MTSS1: variants seen among roughly 807,000 people sequenced by gnomAD.
MTSS1 encodes the protein protein MTSS 1.
In MTSS1, 18 loss-of-function variants were observed where a neutral mutation model predicts 79.0. The observed-to-expected ratio is 0.23, with a 90% CI of 0.16 to 0.34. The LOEUF is 0.34. Among genes scored for constraint, MTSS1 ranks in the 10% least tolerant of loss-of-function variants. The pLI is 1.00. For missense variants in MTSS1, 815 were observed against 986.2 expected (o/e 0.83, Z 2.33); for synonymous variants, 341 against 368.6 (o/e 0.93, Z 0.86).
chr8:124,613,846 A>C (rs1398611821), intron 3 of MTSS1, among the ~76,000 whole-genome samples: 2 of 152,088 alleles, frequency 1.3e-5, no homozygotes, highest in African/African-American at 4.8e-5. Flanking sequence ...AACTACATTA[A>C]TTTGTTCTCA....
chr8:124,616,028 T>C (rs1280823616), intron 3 of MTSS1, among the ~76,000 whole-genome samples: 1 of 151,850 alleles, frequency 6.6e-6, no homozygotes, highest in Non-Finnish European at 1.5e-5. Context: ...CCACCATCAG[T>C]GGTGACACCA....
chr8:124,689,746 C>CAAAAA (rs35782850), intron 3 of MTSS1, among the ~76,000 whole-genome samples: 1 of 94,332 alleles, frequency 1.1e-5, no homozygotes, highest in African/African-American at 4.1e-5. Context: ...AACTCCATCT[C>CAAAAA]AAAAAAAAAA....
Position 124,640,846 on chromosome 8 carries a change from C to T in MTSS1, c.209-49611G>A, listed in dbSNP as rs184847519. Among the ~76,000 whole-genome samples the T allele has an allele frequency of 1.8e-4, 27 of 152,158 alleles. No homozygotes were observed. In the East Asian group the frequency reaches 5.0e-3, roughly 28 times the overall value. On this transcript the variant is annotated intron_variant, in intron 3 of 13. Coordinates refer to ENST00000518547, the MANE Select transcript of MTSS1 (RefSeq NM_014751.6). ...CGTGAGCCACCGTGCCCGGCCTCAACCCTTCTAGATTTTACCTACACCATC... is the reference window on the plus strand; with the variant it reads ...CGTGAGCCACCGTGCCCGGCCTCAATCCTTCTAGATTTTACCTACACCATC...
Position 124,551,022 on chromosome 8 carries a change from C to T in MTSS1, c.*1970G>A, listed in dbSNP as rs961457575. 2.0e-5 allele frequency: 3 copies of T among 152,588 alleles called. No individual in the cohort carries two copies. The highest frequency in any genetic ancestry group is 1.3e-4 in the Admixed American group (2 of 15,278). 9.5% of individuals were successfully genotyped at this position (152,588 alleles called of 1,614,324 possible). ...ATATGCAAAAACACAAGCAGAACTACCCAAGGTGTGTTGTCACATTCTTTC... is the reference window on the plus strand; with the variant it reads ...ATATGCAAAAACACAAGCAGAACTATCCAAGGTGTGTTGTCACATTCTTTC... On this transcript the variant is annotated 3_prime_UTR_variant, in exon 14 of 14. Transcript: ENST00000518547.
chr8:124,674,166 G>A (rs7846680), intron 3 of MTSS1, among the ~76,000 whole-genome samples: 1 of 151,776 alleles, frequency 6.6e-6, no homozygotes. Context: ...AGCCTCACTC[G>A]GTCGCCCAGG....
At chr8:124,568,049 G>A in intron 7 of MTSS1, 1 of 1,025,388 alleles carries the variant, frequency 9.8e-7, no homozygotes, top group Non-Finnish European at 1.3e-6. Flanking sequence ...GTTTGGACTT[G>A]GTGGGTCTGG....
At chr8:124,690,649 C>G (rs11993698) in intron 3 of MTSS1, among the ~76,000 whole-genome samples, 2,854 of 152,300 alleles carry the variant, frequency 0.019, 87 homozygotes, top group African/African-American at 0.065. Flanking sequence ...GGCCACTTGT[C>G]AAATGGGGAA....
Position 124,612,979 on chromosome 8 carries a change from T to C in MTSS1, c.209-21744A>G, listed in dbSNP as rs371705730. Among the ~76,000 whole-genome samples, 4 of 152,236 alleles carry C rather than the reference T, an allele frequency of 2.6e-5. No individual in the cohort carries two copies. The East Asian group carries it at 7.7e-4, about 29-fold the overall frequency. On this transcript the variant is annotated intron_variant, in intron 3 of 13. Transcript: ENST00000518547. ...TCTCAGAAAGCAGAGCACGGTGCTA[T>C]GACAGGAAAAAAGGTCTCAGGGGCA...
intron 3 of MTSS1, among the ~76,000 whole-genome samples, chr8:124,655,419 G>A (rs1003724229): frequency 1.3e-5 from 2 of 152,224 alleles, no homozygotes; most frequent in Non-Finnish European, 2.9e-5. Context: ...CAAGAGCACA[G>A]AGAGTCAGAT....
Position 124,553,250 on chromosome 8 carries a change from G to A in MTSS1, c.2010C>T (p.Ser670=), listed in dbSNP as rs141095365. Reference sequence around the variant, plus strand: ...TCGGGCCTGGAAGTGGAGGGTTAACGGAAGCTTGGCCGCTCCACATTGAGG... The same window carrying A: ...TCGGGCCTGGAAGTGGAGGGTTAACAGAAGCTTGGCCGCTCCACATTGAGG... ...MPSSMWSGQA[S]VNPPLPGPKP... is the part of the protein sequence containing the mutation. Residue 670 remains serine (S), a synonymous_variant, in exon 14 of 14, where the codon TCC becomes TCT. Coordinates refer to ENST00000518547, the MANE Select transcript of MTSS1 (RefSeq NM_014751.6). The surrounding 1 kb of genome is among the most constrained non-coding windows in gnomAD (Gnocchi z 6.0). 4.6e-5 allele frequency: 75 copies of A among 1,614,160 alleles called. No homozygotes were observed. Among genetic ancestry groups the A allele is most frequent in the African/African-American group, 2.5e-4 (19 of 75,016 alleles).
chr8:124,684,131 G>T (rs1826577218), intron 3 of MTSS1, among the ~76,000 whole-genome samples: 1 of 152,136 alleles, frequency 6.6e-6, no homozygotes, highest in Admixed American at 6.5e-5. Flanking sequence ...CGAATGAACT[G>T]TAAGCTACTT....
chr8:124,608,828 C>T (rs1457834160), intron 3 of MTSS1, among the ~76,000 whole-genome samples: 3 of 152,154 alleles, frequency 2.0e-5, no homozygotes, highest in African/African-American at 4.8e-5. Flanking sequence ...ATGTCTGCTA[C>T]AACCGCAGGA....
intron 3 of MTSS1, among the ~76,000 whole-genome samples, chr8:124,600,065 A>C (rs1181934490): frequency 3.4e-5 from 5 of 148,828 alleles, no homozygotes; most frequent in South Asian, 2.1e-4. Context: ...CAAAAAAAAA[A>C]CCAAATATGC....
At chr8:124,716,337 C>T (rs183081484) in intron 1 of MTSS1, among the ~76,000 whole-genome samples, 113 of 152,316 alleles carry the variant, frequency 7.4e-4, no homozygotes, top group Admixed American at 3.1e-3. Flanking sequence ...GAAAGGAAGT[C>T]GAGATCATGC....
intron 3 of MTSS1, among the ~76,000 whole-genome samples, chr8:124,670,793 G>A (rs1824017399): frequency 6.6e-6 from 1 of 152,136 alleles, no homozygotes; most frequent in South Asian, 2.1e-4. Flanking sequence ...AGTGGTTAAA[G>A]AGGAAAAGTC....
At chr8:124,718,808 G>C (rs1258921626) in intron 1 of MTSS1, among the ~76,000 whole-genome samples, 1 of 152,186 alleles carries the variant, frequency 6.6e-6, no homozygotes. Context: ...TCGTGTGGCT[G>C]CCACCTTAGA....
intron 3 of MTSS1, among the ~76,000 whole-genome samples, chr8:124,621,351 T>G (rs187199241): frequency 2.0e-5 from 3 of 152,280 alleles, no homozygotes; most frequent in Admixed American, 1.3e-4. Context: ...CCAGCCATGG[T>G]CTCAGAAGTG....
intron 2 of MTSS1, 141 bp downstream of exon 2, chr8:124,703,989 C>T (rs748358283): frequency 1.4e-6 from 1 of 693,740 alleles, no homozygotes; most frequent in Non-Finnish European, 2.5e-6. Flanking sequence ...GGTGATCATG[C>T]TCCAATCAGA....
intron 3 of MTSS1, among the ~76,000 whole-genome samples, chr8:124,663,803 A>T (rs1290351622): frequency 2.6e-5 from 4 of 152,196 alleles, no homozygotes; most frequent in Non-Finnish European, 5.9e-5. Context: ...ACGTGGTCCC[A>T]TTCCTCAAGG....
Sources: gnomAD v4.1 joint callset for allele counts (sites outside exome capture counted in the v4.1 genomes callset) on GRCh38, gnomAD v4.1.1 for gene constraint, Gnocchi (gnomAD v3.1) non-coding constraint, MANE v1.5 for transcripts, NCBI Gene and HGNC (gene_info 2026-07-23, HGNC 2026-07-21) for gene names.